TNRC6B: variants seen among roughly 807,000 people sequenced by gnomAD.
TNRC6B encodes trinucleotide repeat containing adaptor 6B.
A neutral mutation model predicts 203.6 loss-of-function variants in TNRC6B; 52 were observed. The ratio of observed to expected loss-of-function variants is 0.26; its 90% CI spans 0.20 to 0.32. TNRC6B has a LOEUF of 0.32. Ranked by LOEUF, TNRC6B falls within the 10% of genes least tolerant of loss-of-function variation. The probability of loss-of-function intolerance (pLI) is 1.00; values close to 1 mark genes in which losing one functional copy is unlikely to be tolerated. For synonymous variants in TNRC6B, 838 were observed against 845.7 expected, an observed-to-expected ratio of 0.99 and a Z score of 0.16; for missense variants, 1,923 against 2,286.2, an observed-to-expected ratio of 0.84 and a Z score of 3.24.
chr22:40,165,314 C>A (rs546771719), intron 4 of TNRC6B, among the ~76,000 whole-genome samples: 2 of 151,798 alleles, frequency 1.3e-5, no homozygotes, highest in Non-Finnish European at 2.9e-5. Flanking sequence ...GTAGCTAGTA[C>A]TACAGGCACG....
At chr22:40,085,424 T>A (rs1055391401) in intron 1 of TNRC6B, among the ~76,000 whole-genome samples, 1 of 152,242 alleles carries the variant, frequency 6.6e-6, no homozygotes, top group Non-Finnish European at 1.5e-5. Context: ...ACATAGTATC[T>A]GGTTAATGTT....
intron 12 of TNRC6B, among the ~76,000 whole-genome samples, chr22:40,298,723 T>C (rs12160369): frequency 0.32 from 48,793 of 151,722 alleles, 8,508 homozygotes; most frequent in South Asian, 0.47. Context: ...TCTCAGCACT[T>C]TGGGAGGCCG....
At chr22:40,079,118 G>A (rs894904219) in intron 1 of TNRC6B, among the ~76,000 whole-genome samples, 1 of 151,678 alleles carries the variant, frequency 6.6e-6, no homozygotes, top group Non-Finnish European at 1.5e-5. Flanking sequence ...TCGCCGTGTT[G>A]CCCAGGCTGG....
chr22:40,074,251 AAG>A (rs1491152504), intron 1 of TNRC6B, among the ~76,000 whole-genome samples: 1 of 151,152 alleles, frequency 6.6e-6, no homozygotes, highest in African/African-American at 2.5e-5. Flanking sequence ...AAAAAAAAAA[AAG>A]AAAAGAAAAT....
chr22:40,245,532 A>G (rs2070094937), intron 1 of TNRC6B, among the ~76,000 whole-genome samples: 2 of 152,118 alleles, frequency 1.3e-5, no homozygotes, highest in African/African-American at 4.8e-5. Flanking sequence ...TAGAATACAG[A>G]ACATAGAGCT....
chr22:40,183,611 T>A (rs2069163594), intron 1 of TNRC6B, among the ~76,000 whole-genome samples: 1 of 152,308 alleles, frequency 6.6e-6, no homozygotes, highest in Admixed American at 6.5e-5. Flanking sequence ...AGGAGAACAT[T>A]GAATACAGCG....
At chr22:40,049,643 G>A (rs927878772) in intron 1 of TNRC6B, among the ~76,000 whole-genome samples, 37 of 152,046 alleles carry the variant, frequency 2.4e-4, no homozygotes, top group African/African-American at 3.9e-4. Flanking sequence ...TCGCTCTGTC[G>A]CCCAGGCTAG....
chr22:40,224,356 C>CTA (rs2069755331), intron 1 of TNRC6B, among the ~76,000 whole-genome samples: 1 of 152,160 alleles, frequency 6.6e-6, no homozygotes, highest in South Asian at 2.1e-4. Flanking sequence ...TGCAGTTGAT[C>CTA]TATATCTTAG....
intron 12 of TNRC6B, among the ~76,000 whole-genome samples, chr22:40,296,631 CT>C (rs75183000): frequency 1.2e-3 from 165 of 140,896 alleles, no homozygotes; most frequent in Admixed American, 2.2e-3. Context: ...CGCGCCCGGC[CT>C]TTTTTTTTTT....
rs573699140 is a variant in TNRC6B at position 40,068,466 on chromosome 22, C to T, written c.-121+23468C>T. On this transcript the variant is annotated intron_variant, in intron 1 of 23. Coordinates refer to the TNRC6B transcript ENST00000301923. The stretch of plus-strand genomic sequence containing the variant: ...CTGAGTAGCTGGGACTACAGGCACG[C>T]GCCACCATGCCCAGCCAATTTTTGT... Among the ~76,000 whole-genome samples, 26 of 151,866 alleles carry T rather than the reference C, an allele frequency of 1.7e-4. No individual in the cohort carries two copies. In the East Asian group the frequency reaches 2.3e-3, roughly 14 times the overall value.
chr22:40,182,451 C>T (rs369318562), intron 1 of TNRC6B, among the ~76,000 whole-genome samples: 200 of 152,226 alleles, frequency 1.3e-3, no homozygotes, highest in East Asian at 4.1e-3. Context: ...GTGATTAAGA[C>T]GGGTGTCAGG....
rs1281201299 is a variant in TNRC6B, at chr22:40,280,002, T to G, written c.3270T>G (p.Leu1090=). Reference sequence around the variant, plus strand: ...GTGTATGCTACTTTTCAGGAAGCCTTTCAGATAAAAAATTTGATGTGGACA... The same window carrying G: ...GTGTATGCTACTTTTCAGGAAGCCTGTCAGATAAAAAATTTGATGTGGACA... ...SSKMDLSVGS[L]SDKKFDVDKR... Residue 1090 remains leucine (L), a synonymous_variant, in exon 10 of 23, where the codon CTT becomes CTG. Transcript: ENST00000454349. 1 of 1,613,854 alleles carries G rather than the reference T, an allele frequency of 6.2e-7. No individual in the cohort carries two copies. Among genetic ancestry groups the G allele is most frequent in the Non-Finnish European group, 8.5e-7 (1 of 1,179,836 alleles).
At chr22:40,184,010 A>G (rs1226385979) in intron 1 of TNRC6B, among the ~76,000 whole-genome samples, 5 of 152,166 alleles carry the variant, frequency 3.3e-5, no homozygotes, top group African/African-American at 7.2e-5. Flanking sequence ...TTTTGACTCA[A>G]TGGGCAAAAT....
chr22:40,292,897 T>G (rs929748528), intron 12 of TNRC6B, among the ~76,000 whole-genome samples: 9 of 152,244 alleles, frequency 5.9e-5, no homozygotes, highest in African/African-American at 2.2e-4. Flanking sequence ...TATGCTTTTC[T>G]TTATATTCTT....
intron 4 of TNRC6B, among the ~76,000 whole-genome samples, chr22:40,158,032 A>G (rs1436405585): frequency 1.3e-5 from 2 of 152,100 alleles, no homozygotes; most frequent in Non-Finnish European, 2.9e-5. Flanking sequence ...TGTCAAAATC[A>G]AAGTCTCATG....
At chr22:40,165,097 T>C (rs1330466405) in intron 4 of TNRC6B, among the ~76,000 whole-genome samples, 1 of 148,392 alleles carries the variant, frequency 6.7e-6, no homozygotes, top group African/African-American at 2.5e-5. Context: ...CCCGGCTCTT[T>C]TTTTTTTTTT....
intron 1 of TNRC6B, 75 bp downstream of exon 1, chr22:40,178,215 T>G (rs2069088177): frequency 3.9e-6 from 6 of 1,551,324 alleles, no homozygotes; most frequent in Admixed American, 1.7e-5. Flanking sequence ...ACTGGTGGTG[T>G]TGCAAATCGA....
intron 1 of TNRC6B, among the ~76,000 whole-genome samples, chr22:40,114,134 T>C (rs569253561): frequency 6.6e-5 from 10 of 152,144 alleles, no homozygotes; most frequent in Non-Finnish European, 1.3e-4. Flanking sequence ...ATAATTGTGC[T>C]GAATAGTCAA....
At chr22:40,091,970 C>A (rs769044386) in intron 1 of TNRC6B, among the ~76,000 whole-genome samples, 5 of 152,154 alleles carry the variant, frequency 3.3e-5, no homozygotes, top group Non-Finnish European at 5.9e-5. Context: ...AAACATAAAT[C>A]TTCTCAGGAG....
Sources: allele counts gnomAD v4.1 joint callset (sites outside exome capture counted in the v4.1 genomes callset), GRCh38; gene constraint gnomAD v4.1.1; transcripts MANE v1.5; gene names NCBI Gene and HGNC (gene_info 2026-07-23, HGNC 2026-07-21).